The following ZC3H13 variants were observed in gnomAD, a reference collection of about 807,000 sequenced individuals.
ZC3H13 encodes zinc finger CCCH domain-containing protein 13.
A neutral mutation model predicts 204.1 loss-of-function variants in ZC3H13; 64 were observed. The observed-to-expected ratio is 0.31, with a 90% CI of 0.26 to 0.39. The LOEUF (loss-of-function observed/expected upper bound fraction) is 0.39, where lower values mean the gene tolerates loss of function less well. Among genes scored for constraint, ZC3H13 ranks in the 10% least tolerant of loss-of-function variants. The pLI is 1.00. For missense variants in ZC3H13, 1,833 were observed against 2,082.7 expected (o/e 0.88, Z 2.33); for synonymous variants, 667 against 693.7 (o/e 0.96, Z 0.60).
intron 11 of ZC3H13, chr13:45,976,376 T>C: frequency 2.1e-6 from 1 of 465,162 alleles, no homozygotes; most frequent in East Asian, 1.5e-4. Flanking sequence ...GAACAAAACA[T>C]ATGTCAGAAT....
intron 11 of ZC3H13, among the ~76,000 whole-genome samples, chr13:45,976,460 AGT>A (rs1329895311): frequency 1.3e-5 from 2 of 152,232 alleles, no homozygotes; most frequent in Non-Finnish European, 1.5e-5. Context: ...AAATGTAAAA[AGT>A]GTTTCATATT....
At chr13:46,008,401 T>C (rs1260359356) in intron 7 of ZC3H13, among the ~76,000 whole-genome samples, 1 of 152,154 alleles carries the variant, frequency 6.6e-6, no homozygotes, top group Non-Finnish European at 1.5e-5. Context: ...CCAGGTCCTT[T>C]TGCTTTTATT....
At position 46,010,416 on chromosome 13, in the gene ZC3H13, C is replaced by T; in HGVS notation, c.678G>A (p.Lys226=). ...SKSPKRKSSP[K]SSSASKKDRK... The stretch of plus-strand genomic sequence containing the variant: ...TATCTTTCTTGCTAGCTGAAGACGA[C>T]TTCGGGCTTGATTTTCGCTTCGGAG... Residue 226 remains lysine, a synonymous_variant, in exon 7 of 19, where the codon AAG becomes AAA. Transcript: ENST00000679008. 1 of 1,613,828 alleles carries T rather than the reference C, an allele frequency of 6.2e-7. No individual in the cohort carries two copies. The highest frequency in any genetic ancestry group is 8.5e-7 in the Non-Finnish European group (1 of 1,179,812).
intron 5 of ZC3H13, 114 bp downstream of exon 5, chr13:46,020,334 TA>T: frequency 1.3e-6 from 1 of 779,032 alleles, no homozygotes; most frequent in Non-Finnish European, 2.1e-6. Context: ...AATATGTCAA[TA>T]AAATGATTCT....
intron 4 of ZC3H13, among the ~76,000 whole-genome samples, chr13:46,025,876 C>T (rs1368879558): frequency 1.5e-5 from 2 of 129,826 alleles, no homozygotes. Flanking sequence ...TATAATTGGA[C>T]ACATCTGATT....
intron 8 of ZC3H13, among the ~76,000 whole-genome samples, chr13:45,994,594 G>A (rs2040200761): frequency 6.6e-6 from 1 of 152,164 alleles, no homozygotes; most frequent in Non-Finnish European, 1.5e-5. Flanking sequence ...TCAAGGGTTA[G>A]AAAAAGACAA....
rs776472674 is a variant in ZC3H13 at position 45,967,634 on chromosome 13, T to C, written c.4191A>G (p.Glu1397=). The C allele has an allele frequency of 5.2e-5, 84 of 1,614,040 alleles. No homozygotes were observed. Among genetic ancestry groups the C allele is most frequent in the Non-Finnish European group, 7.0e-5 (83 of 1,180,016 alleles). Residue 1397 remains glutamate (E), a synonymous_variant, in exon 15 of 19, where the codon GAA becomes GAG. Transcript: ENST00000679008. ...VKRCEAKLEG[E]HERDLESTSR... is the part of the protein sequence containing the mutation. ...AAGTGCTTTCTAGATCCCTTTCATG[T>C]TCACCTTCCAGTTTTGCTTCACAGC...
rs768900418 is a variant in ZC3H13, at chr13:45,967,638, C to T, written c.4187G>A (p.Gly1396Asp). The part of the protein sequence containing the change: ...SVKRCEAKLE[G>D]EHERDLESTS... The stretch of plus-strand genomic sequence containing the variant: ...GCTTTCTAGATCCCTTTCATGTTCA[C>T]CTTCCAGTTTTGCTTCACAGCGTTT... The change falls in exon 15 of 19, where the codon GGT becomes GAT. Residue 1396 changes from glycine to aspartate, a missense_variant. By Grantham distance (94) the Gly-to-Asp change is moderately conservative (BLOSUM62 -1). This residue lies in a region of ZC3H13 where 1,574 missense variants were observed against 1,757.2 expected (regional missense o/e 0.90). Coordinates refer to ENST00000679008, the MANE Select transcript of ZC3H13 (RefSeq NM_001330564.2). The T allele has an allele frequency of 3.1e-6, 5 of 1,613,996 alleles. No homozygotes were observed. The highest frequency in any genetic ancestry group is 1.7e-5 in the Admixed American group (1 of 59,984).
At position 45,996,194 on chromosome 13, in the gene ZC3H13, A is replaced by G. The variant is rs547756838; in HGVS notation, c.944+6945T>C. 1.5e-4 allele frequency among the ~76,000 whole-genome samples: 23 copies of G among 152,334 alleles called. No homozygotes were observed. The East Asian group carries it at 4.2e-3, about 28-fold the overall frequency. On this transcript the variant is annotated intron_variant, in intron 8 of 18. Transcript: ENST00000679008. ...GGGAAACTATAAAGAATATATACTA[A>G]TATAAGTGAGTACACTGATAAAAGC...
chr13:46,000,138 A>G (rs925831296), intron 8 of ZC3H13, among the ~76,000 whole-genome samples: 10 of 152,178 alleles, frequency 6.6e-5, no homozygotes, highest in Non-Finnish European at 1.2e-4. Context: ...GATTTTCAGG[A>G]TGGTAAATGA....
rs1044101914 is a variant in ZC3H13 at position 45,956,591 on chromosome 13, A to T, written c.*536T>A. On this transcript the variant is annotated 3_prime_UTR_variant, in exon 19 of 19. Transcript: ENST00000679008. ...AAAAAAGACCCATGAAATAATTTTT[A>T]AAAAACTTTCAAAAGGAAAAAACTA... is the stretch of plus-strand genomic sequence containing the variant. 2 of 152,220 alleles carry T rather than the reference A, an allele frequency of 1.3e-5. No individual in the cohort carries two copies. The highest frequency in any genetic ancestry group is 2.9e-5 in the Non-Finnish European group (2 of 68,016). 9.4% of individuals were successfully genotyped at this position (152,220 alleles called of 1,614,324 possible).
intron 12 of ZC3H13, among the ~76,000 whole-genome samples, chr13:45,973,344 A>G (rs188199856): frequency 3.9e-4 from 60 of 152,324 alleles, no homozygotes; most frequent in African/African-American, 1.2e-3. Context: ...AAAGATTAAG[A>G]TATTAATCTC....
chr13:46,037,465 T>C (rs1323826745), intron 4 of ZC3H13, among the ~76,000 whole-genome samples: 3 of 152,244 alleles, frequency 2.0e-5, no homozygotes, highest in African/African-American at 7.2e-5. Context: ...AATGCTTGAA[T>C]ATTCTTCCTG....
intron 15 of ZC3H13, 47 bp from the exon 16 acceptor site, chr13:45,965,479 A>G (rs780314672): frequency 1.3e-6 from 2 of 1,595,266 alleles, no homozygotes; most frequent in Non-Finnish European, 1.7e-6. Context: ...TTAAAGGGAG[A>G]GGATGACTAA....
chr13:46,010,338 C>T lies in ZC3H13; in HGVS notation c.746+10G>A, dbSNP rs1381893803. On this transcript the variant is annotated intron_variant, in intron 7 of 18. Coordinates refer to ENST00000679008, the MANE Select transcript of ZC3H13 (RefSeq NM_001330564.2). ...GCTATTTTCTCGATACTATTTATCACCCTACTGACCTCTGCTGGTCCAACA... is the reference window on the plus strand; with the variant it reads ...GCTATTTTCTCGATACTATTTATCATCCTACTGACCTCTGCTGGTCCAACA... 6.3e-7 allele frequency: 1 copy of T among 1,588,558 alleles called. No individual in the cohort carries two copies. The highest frequency in any genetic ancestry group is 1.7e-5 in the Admixed American group (1 of 59,030).
At chr13:45,970,857 A>G (rs537141036) in intron 12 of ZC3H13, among the ~76,000 whole-genome samples, 1 of 152,310 alleles carries the variant, frequency 6.6e-6, no homozygotes, top group East Asian at 1.9e-4. Context: ...GCTGAATGAG[A>G]AAACCTAATA....
In ZC3H13 at chr13:45,988,997, GAGA is replaced by G. The variant is rs2039771716; in HGVS notation, c.1042_1044del (p.Ser348del). ...GGTGAAGGAGTTCTTTTTCGACGAG[GAGA>G]AGGAGAATGTCTTTGAATAGATGAT... On this transcript the variant is annotated inframe_deletion, in exon 9 of 19. Transcript: ENST00000679008. 5 of 1,613,904 alleles carry G rather than the reference GAGA, an allele frequency of 3.1e-6. No individual in the cohort carries two copies. The highest frequency in any genetic ancestry group is 4.2e-6 in the Non-Finnish European group (5 of 1,180,000).
chr13:46,039,110 C>A (rs2043397374), intron 4 of ZC3H13, among the ~76,000 whole-genome samples: 1 of 152,132 alleles, frequency 6.6e-6, no homozygotes, highest in Admixed American at 6.5e-5. Context: ...TTACCTAAAA[C>A]CTGATCACTG....
chr13:45,955,781 T>G lies in ZC3H13; in HGVS notation c.*1346A>C, dbSNP rs1269297070. 6.6e-6 allele frequency: 1 copy of G among 152,170 alleles called. No homozygotes were observed. The allele number at this position is 152,170 out of a possible 1,614,324, so 9.4% of individuals were successfully genotyped here. A position where few individuals can be genotyped will look rare whatever the true frequency, so the allele number is the denominator to read the frequency against. ...CAATTATACATGCTTTCAAAGTCAT[T>G]TGAAAGTAAGACCATTTCCTTTGGC... On this transcript the variant is annotated 3_prime_UTR_variant, in exon 19 of 19. Coordinates refer to ENST00000679008, the MANE Select transcript of ZC3H13 (RefSeq NM_001330564.2).
Sources: allele counts gnomAD v4.1 joint callset (sites outside exome capture counted in the v4.1 genomes callset), GRCh38; gene constraint gnomAD v4.1.1; regional missense constraint gnomAD v4.1.1; transcripts MANE v1.5; gene names NCBI Gene and HGNC (gene_info 2026-07-23, HGNC 2026-07-21).